VTCN1: variants seen among roughly 807,000 people sequenced by gnomAD.
The protein encoded by VTCN1 is V-set domain containing T cell activation inhibitor 1.
In VTCN1, 26 loss-of-function variants were observed where a neutral mutation model predicts 26.5. The ratio of observed to expected loss-of-function variants is 0.98; its 90% CI spans 0.72 to 1.36. The LOEUF (loss-of-function observed/expected upper bound fraction) is 1.36, where lower values mean the gene tolerates loss of function less well. Ranked by LOEUF, VTCN1 falls within the 40% of genes most tolerant of loss-of-function variation. VTCN1 has a pLI of 0.00. For missense variants in VTCN1, 298 were observed against 337.7 expected (o/e 0.88, Z 0.92); for synonymous variants, 116 against 130.7 (o/e 0.89, Z 0.77).
At chr1:117,201,065 A>G (rs1174633536) in intron 1 of VTCN1, among the ~76,000 whole-genome samples, 2 of 152,188 alleles carry the variant, frequency 1.3e-5, no homozygotes, top group African/African-American at 4.8e-5. Flanking sequence ...ATAAGTATAA[A>G]CCACCCTGCC....
intron 4 of VTCN1, among the ~76,000 whole-genome samples, chr1:117,148,509 C>T (rs916271846): frequency 6.6e-6 from 1 of 152,214 alleles, no homozygotes; most frequent in Admixed American, 6.5e-5. Context: ...GCCAACATCA[C>T]TCAAGCCTAA....
chr1:117,157,092 GATATATATATATAT>G (rs145887761), intron 2 of VTCN1, 171 bp from the exon 3 acceptor site: 4 of 557,770 alleles, frequency 7.2e-6, no homozygotes, highest in East Asian at 8.8e-5. Flanking sequence ...CAATCATTTT[GATATATATATATAT>G]ATATATATAG....
intron 2 of VTCN1, 23 bp downstream of exon 2, chr1:117,170,084 T>C (rs774405664): frequency 1.2e-6 from 2 of 1,606,046 alleles, no homozygotes; most frequent in Middle Eastern, 1.7e-4. Flanking sequence ...GAATAGATTG[T>C]AGTAATGCAA....
intron 1 of VTCN1, among the ~76,000 whole-genome samples, chr1:117,182,903 C>T (rs778106640): frequency 7.9e-5 from 12 of 152,126 alleles, no homozygotes; most frequent in Non-Finnish European, 1.5e-4. Context: ...CATTCTGACC[C>T]ACTGAAGCCC....
intron 1 of VTCN1, among the ~76,000 whole-genome samples, chr1:117,205,089 ATGTATGTATATG>A (rs1648980508): frequency 1.7e-4 from 1 of 5,794 alleles, no homozygotes; most frequent in South Asian, 0.028. Context: ...ATGTATATGT[ATGTATGTATATG>A]TATGTATATG....
intron 1 of VTCN1, among the ~76,000 whole-genome samples, chr1:117,185,348 G>A (rs1291364894): frequency 4.6e-5 from 7 of 152,148 alleles, no homozygotes; most frequent in Non-Finnish European, 1.0e-4. Flanking sequence ...CTTCATGGAA[G>A]CCAACCACAT....
At chr1:117,198,721 A>G (rs1295235134) in intron 1 of VTCN1, among the ~76,000 whole-genome samples, 1 of 152,198 alleles carries the variant, frequency 6.6e-6, no homozygotes, top group Admixed American at 6.5e-5. Context: ...AATTAAAATT[A>G]TAACAATGAG....
chr1:117,170,847 A>T (rs1038046821), intron 1 of VTCN1, among the ~76,000 whole-genome samples: 2 of 152,134 alleles, frequency 1.3e-5, no homozygotes, highest in Non-Finnish European at 2.9e-5. Context: ...ATTATTTTTT[A>T]TTTTATTTTA....
rs991126417 is a variant in VTCN1, at chr1:117,159,677, G to T, written c.98-2756C>A. ...AGTTAACCAGAAGTAGCACAGAAGT[G>T]AAATCTCATGTTAACTAAATGTGGC... is the stretch of plus-strand genomic sequence containing the variant. On this transcript the variant is annotated intron_variant, in intron 2 of 5. Coordinates refer to ENST00000369458, the MANE Select transcript of VTCN1 (RefSeq NM_024626.4). The surrounding 1 kb of genome is among the most constrained non-coding windows in gnomAD (Gnocchi z 4.7). Among the ~76,000 whole-genome samples the T allele has an allele frequency of 2.6e-5, 4 of 152,214 alleles. No homozygotes were observed. The highest frequency in any genetic ancestry group is 9.7e-5 in the African/African-American group (4 of 41,450).
intron 1 of VTCN1, among the ~76,000 whole-genome samples, chr1:117,192,616 A>G (rs542557931): frequency 6.6e-6 from 1 of 152,222 alleles, no homozygotes; most frequent in Non-Finnish European, 1.5e-5. Flanking sequence ...ACTATTAAAA[A>G]TGTAAAGTGT....
chr1:117,177,684 G>A (rs1010710653), intron 1 of VTCN1, among the ~76,000 whole-genome samples: 3 of 152,076 alleles, frequency 2.0e-5, no homozygotes, highest in African/African-American at 7.2e-5. Flanking sequence ...CTACCCCCAA[G>A]AATCACAGCA....
intron 1 of VTCN1, among the ~76,000 whole-genome samples, chr1:117,204,185 A>C (rs1227577912): frequency 1.3e-5 from 2 of 152,200 alleles, no homozygotes; most frequent in African/African-American, 4.8e-5. Flanking sequence ...GAATAATTTG[A>C]GACTAATTAA....
At chr1:117,198,895 A>G (rs755867034) in intron 1 of VTCN1, among the ~76,000 whole-genome samples, 1 of 152,212 alleles carries the variant, frequency 6.6e-6, no homozygotes, top group Non-Finnish European at 1.5e-5. Flanking sequence ...TTAGTCAAGA[A>G]AGCACTGCTG....
intron 2 of VTCN1, among the ~76,000 whole-genome samples, chr1:117,168,859 T>C (rs1557866336): frequency 6.6e-6 from 1 of 152,218 alleles, no homozygotes. Flanking sequence ...CCTCCCATAG[T>C]GCTGGGATTA....
At chr1:117,164,118 C>T (rs75691513) in intron 2 of VTCN1, among the ~76,000 whole-genome samples, 2,545 of 152,150 alleles carry the variant, frequency 0.017, 52 homozygotes, top group Middle Eastern at 0.048. Context: ...CTAAACATCC[C>T]AGAGAGTATC....
At position 117,159,368 on chromosome 1, in the gene VTCN1, A is replaced by G. The variant is rs902797300; in HGVS notation, c.98-2447T>C. ...GCAGTGGCAAGAGAAAATGAGAAAG[A>G]TGCAAAAGCAGAAACCCCTGATAAA... is the stretch of plus-strand genomic sequence containing the variant. On this transcript the variant is annotated intron_variant, in intron 2 of 5. Coordinates refer to ENST00000369458, the MANE Select transcript of VTCN1 (RefSeq NM_024626.4). The surrounding 1 kb of genome is among the most constrained non-coding windows in gnomAD (Gnocchi z 4.7). Among the ~76,000 whole-genome samples, 1 of 152,244 alleles carries G rather than the reference A, an allele frequency of 6.6e-6. No individual in the cohort carries two copies. Among genetic ancestry groups the G allele is most frequent in the African/African-American group, 2.4e-5 (1 of 41,464 alleles).
intron 1 of VTCN1, among the ~76,000 whole-genome samples, chr1:117,172,724 G>A (rs1015392345): frequency 1.1e-4 from 17 of 151,712 alleles, no homozygotes; most frequent in African/African-American, 3.9e-4. Context: ...ATTGTGAGAG[G>A]TGAAGCCAGC....
At chr1:117,179,106 A>G (rs1647547781) in intron 1 of VTCN1, among the ~76,000 whole-genome samples, 1 of 152,192 alleles carries the variant, frequency 6.6e-6, no homozygotes, top group Non-Finnish European at 1.5e-5. Flanking sequence ...ACTGATTAAC[A>G]TGCATACTTA....
rs529106708 is a variant in VTCN1, at chr1:117,150,579, C to T, written c.724+2512G>A. Among the ~76,000 whole-genome samples, 38 of 151,952 alleles carry T rather than the reference C, an allele frequency of 2.5e-4. No individual in the cohort carries two copies. The East Asian group carries it at 3.5e-3, about 14-fold the overall frequency. ...TTCCTCAAGATGGTGCAAGAGCTCT[C>T]GCTCTCATATGTAATTTTTTAGTTA... On this transcript the variant is annotated intron_variant, in intron 4 of 5. Coordinates refer to ENST00000369458, the MANE Select transcript of VTCN1 (RefSeq NM_024626.4).
Sources: allele counts gnomAD v4.1 joint callset (sites outside exome capture counted in the v4.1 genomes callset), GRCh38; gene constraint gnomAD v4.1.1; non-coding constraint Gnocchi (gnomAD v3.1); transcripts MANE v1.5; gene names NCBI Gene and HGNC (gene_info 2026-07-23, HGNC 2026-07-21).